SMOC2: variants seen among roughly 807,000 people sequenced by gnomAD.
SMOC2 encodes SPARC related modular calcium binding 2, also known as SPARC-related modular calcium-binding protein 2.
In SMOC2, 39 loss-of-function variants were observed where a neutral mutation model predicts 61.4. The ratio of observed to expected loss-of-function variants is 0.64; its 90% CI spans 0.49 to 0.83. SMOC2 has a LOEUF of 0.83. Ranked by LOEUF, SMOC2 falls within the 40% of genes least tolerant of loss-of-function variation. SMOC2 has a pLI of 0.00. For missense variants in SMOC2, 556 were observed against 592.9 expected (o/e 0.94, Z 0.65); for synonymous variants, 247 against 239.9 (o/e 1.03, Z -0.27).
In SMOC2 at chr6:168,519,062, T is replaced by G. The variant is rs572599153; in HGVS notation, c.257-7284T>G. 2.1e-4 allele frequency among the ~76,000 whole-genome samples: 31 copies of G among 150,468 alleles called. No homozygotes were observed. The East Asian group carries it at 5.8e-3, about 28-fold the overall frequency. The stretch of plus-strand genomic sequence containing the variant: ...GTGTGCATGTGTGAGCATGCATATG[T>G]GTGTGAGTGTATGTATGCGTGCATG... On this transcript the variant is annotated intron_variant, in intron 2 of 12. Coordinates refer to ENST00000356284, the MANE Select transcript of SMOC2 (RefSeq NM_001166412.2).
Position 168,598,981 on chromosome 6 carries a change from C to A in SMOC2, c.801C>A (p.Arg267=), listed in dbSNP as rs770257952. The change falls in exon 8 of 13, where the codon CGC becomes CGA. Residue 267 remains arginine (R), a synonymous_variant. Coordinates refer to ENST00000356284, the MANE Select transcript of SMOC2 (RefSeq NM_001166412.2). The part of the protein sequence containing the change: ...YCWCVLVDTG[R]PIPGTSTRYE... ...GGTGCGTCCTGGTGGACACGGGGCG[C>A]CCCATTCCCGGCACATCCACAAGGT... 6.2e-7 allele frequency: 1 copy of A among 1,609,598 alleles called. No homozygotes were observed. The highest frequency in any genetic ancestry group is 8.5e-7 in the Non-Finnish European group (1 of 1,177,812).
intron 1 of SMOC2, among the ~76,000 whole-genome samples, chr6:168,488,688 G>T (rs1247344202): frequency 2.6e-5 from 4 of 152,108 alleles, no homozygotes; most frequent in Non-Finnish European, 2.9e-5. Flanking sequence ...AGTCATCTGG[G>T]TCCCCTTGCA....
chr6:168,463,575 G>A (rs754568705), intron 1 of SMOC2, among the ~76,000 whole-genome samples: 1 of 152,182 alleles, frequency 6.6e-6, no homozygotes, highest in Non-Finnish European at 1.5e-5. Context: ...GGAGCCAGGG[G>A]AGTGTGAGAA....
At chr6:168,618,310 G>A (rs1028550699) in intron 9 of SMOC2, among the ~76,000 whole-genome samples, 7 of 152,258 alleles carry the variant, frequency 4.6e-5, no homozygotes, top group Non-Finnish European at 7.3e-5. Flanking sequence ...AGCCAGCGTA[G>A]TGGCATTAAG....
At chr6:168,602,996 C>T (rs771508607) in intron 8 of SMOC2, among the ~76,000 whole-genome samples, 2 of 152,136 alleles carry the variant, frequency 1.3e-5, no homozygotes, top group African/African-American at 2.4e-5. Context: ...CCCCACATGT[C>T]GTGGGAGGGA....
In SMOC2 at chr6:168,544,069, C is replaced by T. The variant is rs370438619; in HGVS notation, c.511+397C>T. ...TCCTCCCTACAAGGAGGAAGAGGAA[C>T]AGTTTTTCTACCTACAGCAATCCCT... is the stretch of plus-strand genomic sequence containing the variant. On this transcript the variant is annotated intron_variant, in intron 5 of 12. Coordinates refer to ENST00000356284, the MANE Select transcript of SMOC2 (RefSeq NM_001166412.2). The surrounding 1 kb of genome is among the most constrained non-coding windows in gnomAD (Gnocchi z 4.1). 5.9e-5 allele frequency among the ~76,000 whole-genome samples: 9 copies of T among 152,282 alleles called. No individual in the cohort carries two copies. The East Asian group carries it at 1.2e-3, about 20-fold the overall frequency.
chr6:168,532,258 G>C lies in SMOC2; in HGVS notation c.463+4531G>C, dbSNP rs189861833. Among the ~76,000 whole-genome samples, 31 of 152,250 alleles carry C rather than the reference G, an allele frequency of 2.0e-4. No individual in the cohort carries two copies. The East Asian group carries it at 6.0e-3, about 29-fold the overall frequency. On this transcript the variant is annotated intron_variant, in intron 4 of 12. Transcript: ENST00000356284. ...TGCTCAGGGAGTGCCCTGCTGCCCC[G>C]GTGTTCAAGGAAGGCACAGTAAAGG... is the stretch of plus-strand genomic sequence containing the variant.
At position 168,475,961 on chromosome 6, in the gene SMOC2, GT is replaced by G. The variant is rs1782072421; in HGVS notation, c.85-33953del. 6.6e-6 allele frequency among the ~76,000 whole-genome samples: 1 copy of G among 152,046 alleles called. No individual in the cohort carries two copies. Among genetic ancestry groups the G allele is most frequent in the Non-Finnish European group, 1.5e-5 (1 of 67,990 alleles). Reference sequence around the variant, plus strand: ...GTGGAAGGGCTGAGGTTTGCTAACCGTAGTCCACTTGGGACCTTCCCACACG... The same window carrying G: ...GTGGAAGGGCTGAGGTTTGCTAACCGAGTCCACTTGGGACCTTCCCACACG... On this transcript the variant is annotated intron_variant, in intron 1 of 12. Coordinates refer to ENST00000356284, the MANE Select transcript of SMOC2 (RefSeq NM_001166412.2). This position sits in a 1 kb window ranked among gnomAD's most constrained non-coding sequence, Gnocchi z 4.6.
chr6:168,660,253 C>T (rs1025014238), intron 11 of SMOC2, among the ~76,000 whole-genome samples: 1 of 152,108 alleles, frequency 6.6e-6, no homozygotes, highest in Non-Finnish European at 1.5e-5. Flanking sequence ...AGCTAAATCC[C>T]CTAGACAATC....
intron 1 of SMOC2, among the ~76,000 whole-genome samples, chr6:168,450,063 AGAGAG>A: frequency 6.6e-6 from 1 of 152,294 alleles, no homozygotes; most frequent in African/African-American, 2.4e-5. Context: ...GAGAAAGAGA[AGAGAG>A]AGAAGAGAAA....
rs1044212857 is a variant in SMOC2 at position 168,475,526 on chromosome 6, G to A, written c.84+34072G>A. ...GAGATGTTCTGTAAACCTGTGGCAG[G>A]CTGGGGAGAGGAGGCCATGGCCAGC... On this transcript the variant is annotated intron_variant, in intron 1 of 12. Coordinates refer to ENST00000356284, the MANE Select transcript of SMOC2 (RefSeq NM_001166412.2). This position sits in a 1 kb window ranked among gnomAD's most constrained non-coding sequence, Gnocchi z 4.6. 2.0e-5 allele frequency among the ~76,000 whole-genome samples: 3 copies of A among 152,120 alleles called. No individual in the cohort carries two copies. The highest frequency in any genetic ancestry group is 6.5e-5 in the Admixed American group (1 of 15,286).
intron 1 of SMOC2, among the ~76,000 whole-genome samples, chr6:168,479,283 G>T (rs1041342799): frequency 2.0e-5 from 3 of 152,254 alleles, no homozygotes; most frequent in Non-Finnish European, 4.4e-5. Context: ...ATTTGTACTT[G>T]TGAGCATTGG....
intron 7 of SMOC2, among the ~76,000 whole-genome samples, chr6:168,565,727 C>T (rs1402889167): frequency 6.6e-6 from 1 of 152,166 alleles, no homozygotes; most frequent in Non-Finnish European, 1.5e-5. Context: ...GCTCTGTCCT[C>T]AGGTCTATTG....
At chr6:168,633,866 A>G (rs886634616) in intron 9 of SMOC2, among the ~76,000 whole-genome samples, 4 of 152,180 alleles carry the variant, frequency 2.6e-5, no homozygotes, top group African/African-American at 9.6e-5. Context: ...GTGTCGTGAG[A>G]GGGACCTGGT....
chr6:168,464,055 G>A (rs1476118616), intron 1 of SMOC2, among the ~76,000 whole-genome samples: 1 of 151,996 alleles, frequency 6.6e-6, no homozygotes, highest in Non-Finnish European at 1.5e-5. Flanking sequence ...GCCAAGTGTG[G>A]TGGTGCACGC....
At chr6:168,527,388 G>A (rs529468178) in intron 3 of SMOC2, among the ~76,000 whole-genome samples, 111 of 152,302 alleles carry the variant, frequency 7.3e-4, no homozygotes, top group African/African-American at 2.5e-3. Context: ...CACAGGTAAG[G>A]TGTCCAGCCC....
chr6:168,632,859 C>A (rs933939271), intron 9 of SMOC2, among the ~76,000 whole-genome samples: 1 of 152,160 alleles, frequency 6.6e-6, no homozygotes, highest in African/African-American at 2.4e-5. Flanking sequence ...GCTATTGAAC[C>A]AGATGTGAAT....
chr6:168,563,408 C>CAT (rs900600053), intron 7 of SMOC2, among the ~76,000 whole-genome samples: 2 of 151,668 alleles, frequency 1.3e-5, no homozygotes, highest in East Asian at 1.9e-4. Flanking sequence ...TATTTGTGTG[C>CAT]ATATATATAT....
chr6:168,496,345 G>A (rs10080744), intron 1 of SMOC2, among the ~76,000 whole-genome samples: 160 of 152,292 alleles, frequency 1.1e-3, no homozygotes, highest in Non-Finnish European at 1.6e-3. Context: ...AATGATTTAT[G>A]AGCTGCCTTG....
Sources: gnomAD v4.1 joint callset for allele counts (sites outside exome capture counted in the v4.1 genomes callset) on GRCh38, gnomAD v4.1.1 for gene constraint, Gnocchi (gnomAD v3.1) non-coding constraint, MANE v1.5 for transcripts, NCBI Gene and HGNC (gene_info 2026-07-23, HGNC 2026-07-21) for gene names.